WDR88: variants seen among roughly 807,000 people sequenced by gnomAD.
WDR88 encodes WD repeat domain 88.
In WDR88, 40 loss-of-function variants were observed where a neutral mutation model predicts 46.8. The ratio of observed to expected loss-of-function variants is 0.86; its 90% CI spans 0.66 to 1.11. The LOEUF (loss-of-function observed/expected upper bound fraction) is 1.11, where lower values mean the gene tolerates loss of function less well. WDR88 is among the 50% of genes most tolerant of loss of function. The pLI is 0.00. For missense variants in WDR88, 562 were observed against 602.4 expected, an observed-to-expected ratio of 0.93 and a Z score of 0.70; for synonymous variants, 235 against 240.7, an observed-to-expected ratio of 0.98 and a Z score of 0.22.
At position 33,147,720 on chromosome 19, in the gene WDR88, T is replaced by G; in HGVS notation, c.540+12T>G. On this transcript the variant is annotated intron_variant, in intron 4 of 10. Transcript: ENST00000355868. The stretch of plus-strand genomic sequence containing the variant: ...CAGGCAAGCTGCTGGTACGTATGCC[T>G]GTCCAGTGGGGGCGTTGGTTGCAGC... The G allele has an allele frequency of 6.2e-7, 1 of 1,613,304 alleles. No individual in the cohort carries two copies. The highest frequency in any genetic ancestry group is 8.5e-7 in the Non-Finnish European group (1 of 1,179,588).
chr19:33,146,315 A>G (rs1186637849), intron 3 of WDR88, among the ~76,000 whole-genome samples: 1 of 152,162 alleles, frequency 6.6e-6, no homozygotes, highest in African/African-American at 2.4e-5. Flanking sequence ...ATAAAAAAGA[A>G]GAAGAGGAAA....
At chr19:33,151,022 G>T (rs906081153) in intron 5 of WDR88, among the ~76,000 whole-genome samples, 159 bp from the exon 6 acceptor site, 2 of 152,226 alleles carry the variant, frequency 1.3e-5, no homozygotes, top group African/African-American at 2.4e-5. Context: ...CAAAGCCTGG[G>T]ACATAGTAGT....
intron 10 of WDR88, chr19:33,174,977 G>T: frequency 1.0e-6 from 1 of 985,422 alleles, no homozygotes; most frequent in Non-Finnish European, 1.2e-6. Context: ...GCTCACGCCT[G>T]TAATCCCAGC....
At chr19:33,135,931 C>T (rs1215950502) in intron 1 of WDR88, among the ~76,000 whole-genome samples, 1 of 151,928 alleles carries the variant, frequency 6.6e-6, no homozygotes, top group East Asian at 1.9e-4. Context: ...GCTCTGTCAC[C>T]CAGGCTGGAG....
intron 3 of WDR88, among the ~76,000 whole-genome samples, chr19:33,146,424 A>C (rs1434154597): frequency 8.6e-5 from 13 of 151,852 alleles, no homozygotes; most frequent in Non-Finnish European, 1.3e-4. Context: ...CTTGTGTGTT[A>C]GGTCCTATTT....
chr19:33,171,200 G>T (rs1315581680), intron 9 of WDR88, among the ~76,000 whole-genome samples: 2 of 152,142 alleles, frequency 1.3e-5, no homozygotes, highest in African/African-American at 4.8e-5. Context: ...TGGCCAGGCT[G>T]GTCTCAAACT....
At chr19:33,136,837 A>C (rs1267491860) in intron 1 of WDR88, among the ~76,000 whole-genome samples, 1 of 152,132 alleles carries the variant, frequency 6.6e-6, no homozygotes, top group Non-Finnish European at 1.5e-5. Flanking sequence ...TCAGCCTCCC[A>C]AAGTGCTGAG....
chr19:33,167,252 G>A (rs1269465160), intron 9 of WDR88, among the ~76,000 whole-genome samples: 1 of 151,950 alleles, frequency 6.6e-6, no homozygotes, highest in Non-Finnish European at 1.5e-5. Flanking sequence ...ATACAGGGTG[G>A]CTCAACATAA....
intron 2 of WDR88, among the ~76,000 whole-genome samples, chr19:33,139,966 A>G (rs1218222490): frequency 6.6e-6 from 1 of 152,104 alleles, no homozygotes; most frequent in Non-Finnish European, 1.5e-5. Context: ...GGGTCTGCCC[A>G]TGCTGCACAG....
At chr19:33,172,551 C>CA (rs1974055993) in intron 10 of WDR88, 111 bp downstream of exon 10, 1 of 878,862 alleles carries the variant, frequency 1.1e-6, no homozygotes, top group Non-Finnish European at 1.7e-6. Context: ...CGTGAACAAA[C>CA]AGACTGACAT....
chr19:33,148,741 A>G (rs746775398), intron 4 of WDR88, 31 bp from the exon 5 acceptor site: 2 of 1,613,946 alleles, frequency 1.2e-6, no homozygotes, highest in East Asian at 2.2e-5. Context: ...ACCTGGCTTA[A>G]AACAACCTTT....
intron 6 of WDR88, among the ~76,000 whole-genome samples, chr19:33,155,015 A>T (rs1193091025): frequency 1.3e-5 from 2 of 152,224 alleles, no homozygotes; most frequent in Admixed American, 1.3e-4. Context: ...AACTCTGCTT[A>T]CAAGAGGAGG....
chr19:33,156,294 A>G, intron 6 of WDR88, 61 bp from the exon 7 acceptor site: 3 of 1,537,712 alleles, frequency 2.0e-6, no homozygotes, highest in Non-Finnish European at 2.6e-6. Flanking sequence ...GGCTTTAGGT[A>G]TGTCTTCAGG....
At chr19:33,167,298 G>GA (rs555582369) in intron 9 of WDR88, among the ~76,000 whole-genome samples, 4 of 150,618 alleles carry the variant, frequency 2.7e-5, no homozygotes, top group South Asian at 2.1e-4. Context: ...AGAACAAAGG[G>GA]AAAAAAAACC....
At position 33,151,221 on chromosome 19, in the gene WDR88, C is replaced by T. The variant is rs181600842; in HGVS notation, c.720C>T (p.Pro240=). ...TRSITSCCFD[P]DSQRVASVSL... ...CCATCACGTCATGCTGCTTTGACCCCGACAGCCAGAGGGTGGCTTCTGTCT... is the reference window on the plus strand; with the variant it reads ...CCATCACGTCATGCTGCTTTGACCCTGACAGCCAGAGGGTGGCTTCTGTCT... Residue 240 remains proline, a synonymous_variant, in exon 6 of 11, where the codon CCC becomes CCT. Coordinates refer to ENST00000355868, the MANE Select transcript of WDR88 (RefSeq NM_173479.4). 44 of 1,613,770 alleles carry T rather than the reference C, an allele frequency of 2.7e-5. No individual in the cohort carries two copies. Among genetic ancestry groups the T allele is most frequent in the African/African-American group, 1.6e-4 (12 of 75,064 alleles).
intron 8 of WDR88, among the ~76,000 whole-genome samples, chr19:33,160,935 GC>G (rs1176533415): frequency 6.6e-6 from 1 of 152,148 alleles, no homozygotes; most frequent in Non-Finnish European, 1.5e-5. Context: ...ACTTTGGGAG[GC>G]TGAGGTGGGC....
At chr19:33,169,704 G>GCAA (rs1974006764) in intron 9 of WDR88, among the ~76,000 whole-genome samples, 1 of 149,110 alleles carries the variant, frequency 6.7e-6, no homozygotes, top group South Asian at 2.1e-4. Flanking sequence ...TTACTTACTG[G>GCAA]CAACAACAGG....
intron 7 of WDR88, among the ~76,000 whole-genome samples, chr19:33,158,465 G>A (rs1793830919): frequency 6.6e-6 from 1 of 152,066 alleles, no homozygotes; most frequent in Admixed American, 6.6e-5. Context: ...AGAATCACAT[G>A]CAGTTAATCA....
intron 9 of WDR88, among the ~76,000 whole-genome samples, chr19:33,171,394 T>G (rs1974036459): frequency 6.6e-6 from 1 of 152,204 alleles, no homozygotes; most frequent in Non-Finnish European, 1.5e-5. Flanking sequence ...ATTGGTAAGA[T>G]CTGACAGCTT....
Sources: gnomAD v4.1 joint callset for allele counts (sites outside exome capture counted in the v4.1 genomes callset) on GRCh38, gnomAD v4.1.1 for gene constraint, MANE v1.5 for transcripts, NCBI Gene and HGNC (gene_info 2026-07-23, HGNC 2026-07-21) for gene names.